Variants in LOXL1 observed in about 807,000 individuals in gnomAD.
The protein encoded by LOXL1 is lysyl oxidase homolog 1.
A neutral mutation model predicts 62.2 loss-of-function variants in LOXL1; 31 were observed. The observed-to-expected ratio is 0.50, with a 90% CI of 0.37 to 0.67. The LOEUF is 0.67. Among genes scored for constraint, LOXL1 ranks in the 30% least tolerant of loss-of-function variants. The pLI, the probability that LOXL1 is intolerant of heterozygous loss-of-function variation, is 0.00. For synonymous variants in LOXL1, 403 were observed against 384.4 expected (o/e 1.05, Z -0.56); for missense variants, 775 against 843.4 (o/e 0.92, Z 1.00).
chr15:73,927,578 GC>G lies in LOXL1; in HGVS notation c.801del (p.Asp268ThrfsTer159). On this transcript the variant is annotated frameshift_variant, in exon 1 of 7. Transcript: ENST00000261921. LOFTEE classifies it high-confidence loss of function. The part of the protein sequence containing the change: ...ERPYVPPPPP[P>X]PDGLDRRYSH... ...GGCCCTACGTGCCGCCGCCGCCGCC[GC>G]CCCCCGACGGCCTGGACCGCCGCTA... is the stretch of plus-strand genomic sequence containing the variant. 6 of 1,500,440 alleles carry G rather than the reference GC, an allele frequency of 4.0e-6. No individual in the cohort carries two copies. Among genetic ancestry groups the G allele is most frequent in the Admixed American group, 2.1e-5 (1 of 46,774 alleles). 92.9% of individuals were successfully genotyped at this position (1,500,440 alleles called of 1,614,324 possible).
chr15:73,932,121 G>A (rs970862398), intron 1 of LOXL1, among the ~76,000 whole-genome samples: 2 of 152,132 alleles, frequency 1.3e-5, no homozygotes, highest in African/African-American at 4.8e-5. Flanking sequence ...TTCAGCCTGC[G>A]GGCAGGGTGG....
chr15:73,943,904 T>C (rs1335815136), intron 2 of LOXL1, among the ~76,000 whole-genome samples: 1 of 152,218 alleles, frequency 6.6e-6, no homozygotes, highest in Non-Finnish European at 1.5e-5. Flanking sequence ...TAGCTGATCA[T>C]AAACCCTTAT....
At chr15:73,928,416 G>A (rs954656301) in intron 1 of LOXL1, among the ~76,000 whole-genome samples, 4 of 152,176 alleles carry the variant, frequency 2.6e-5, no homozygotes, top group African/African-American at 9.7e-5. Context: ...GCTTGAGTGC[G>A]CAGGAGGTTA....
In LOXL1 at chr15:73,927,103, G is replaced by A. The variant is rs1436617261; in HGVS notation, c.320G>A (p.Gly107Asp). ...APSLPLPGRVGSDTVRGQARH... is the reference protein window; with the variant it reads ...APSLPLPGRVDSDTVRGQARH... ...TCCCTGCCCCTGCCGGGGCGCGTGG[G>A]CTCGGACACCGTGCGCGGCCAGGCG... The change falls in exon 1 of 7, where the codon GGC becomes GAC. Residue 107 changes from glycine to aspartate, a missense_variant. By Grantham distance (94) the Gly-to-Asp change is moderately conservative. Transcript: ENST00000261921. 4.5e-6 allele frequency: 6 copies of A among 1,326,518 alleles called. No homozygotes were observed. Among genetic ancestry groups the A allele is most frequent in the East Asian group, 6.2e-5 (2 of 32,152 alleles). 82.2% of individuals were successfully genotyped at this position (1,326,518 alleles called of 1,614,324 possible). A position where few individuals can be genotyped will look rare whatever the true frequency, so the allele number is the denominator to read the frequency against.
At chr15:73,946,275 A>T in intron 2 of LOXL1, 142 bp from the exon 3 acceptor site, 1 of 627,726 alleles carries the variant, frequency 1.6e-6, no homozygotes, top group African/African-American at 1.8e-5. Context: ...GTTCGAGGAG[A>T]CAGAGGAGAA....
intron 1 of LOXL1, among the ~76,000 whole-genome samples, chr15:73,939,794 G>T (rs1405277544): frequency 6.6e-6 from 1 of 152,164 alleles, no homozygotes; most frequent in Non-Finnish European, 1.5e-5. Flanking sequence ...GTGACAGGAG[G>T]AGTCCTGGGA....
At chr15:73,936,742 A>C (rs1293670555) in intron 1 of LOXL1, among the ~76,000 whole-genome samples, 1 of 152,228 alleles carries the variant, frequency 6.6e-6, no homozygotes, top group East Asian at 1.9e-4. Context: ...CAGGGCTCTC[A>C]GCGCCAGGCA....
chr15:73,926,514 T>G lies in LOXL1; in HGVS notation c.-270T>G. 2.8e-6 allele frequency: 1 copy of G among 360,730 alleles called. No homozygotes were observed. Among genetic ancestry groups the G allele is most frequent in the East Asian group, 4.0e-5 (1 of 24,704 alleles). 22.3% of individuals were successfully genotyped at this position (360,730 alleles called of 1,614,324 possible). On this transcript the variant is annotated 5_prime_UTR_variant, in exon 1 of 7. It removes an upstream start codon present in the reference 5' UTR. Coordinates refer to ENST00000261921, the MANE Select transcript of LOXL1 (RefSeq NM_005576.4). Reference sequence around the variant, plus strand: ...CGGCCAGCCAGTGCGGGGCTGGCCATGTAAGGCCCACAGGCGGTCCTGCCC... The same window carrying G: ...CGGCCAGCCAGTGCGGGGCTGGCCAGGTAAGGCCCACAGGCGGTCCTGCCC...
chr15:73,930,614 G>A lies in LOXL1; in HGVS notation c.1102+2729G>A, dbSNP rs1449576985. On this transcript the variant is annotated intron_variant, in intron 1 of 6. Transcript: ENST00000261921. This position sits in a 1 kb window ranked among gnomAD's most constrained non-coding sequence, Gnocchi z 4.7. Reference sequence around the variant, plus strand: ...CACACCCAGGGGTCTGAGGCTGGGCGCTGGCAGCCTGTGAGTGTGTGTGGG... The same window carrying A: ...CACACCCAGGGGTCTGAGGCTGGGCACTGGCAGCCTGTGAGTGTGTGTGGG... Among the ~76,000 whole-genome samples, 5 of 152,266 alleles carry A rather than the reference G, an allele frequency of 3.3e-5. No individual in the cohort carries two copies. In the South Asian group the frequency reaches 6.2e-4, roughly 19 times the overall value.
intron 1 of LOXL1, among the ~76,000 whole-genome samples, chr15:73,937,873 AG>A (rs1384395256): frequency 3.9e-5 from 6 of 152,212 alleles, no homozygotes; most frequent in African/African-American, 1.2e-4. Flanking sequence ...AAGACTGAGC[AG>A]GGCTGTAGGT....
chr15:73,951,961 C>A lies in LOXL1; in HGVS notation c.*124C>A. 1.3e-6 allele frequency: 1 copy of A among 794,610 alleles called. No homozygotes were observed. Among genetic ancestry groups the A allele is most frequent in the South Asian group, 3.7e-5 (1 of 27,178 alleles). 49.2% of individuals were successfully genotyped at this position (794,610 alleles called of 1,614,324 possible). A position where few individuals can be genotyped will look rare whatever the true frequency, so the allele number is the denominator to read the frequency against. On this transcript the variant is annotated 3_prime_UTR_variant, in exon 7 of 7. Coordinates refer to ENST00000261921, the MANE Select transcript of LOXL1 (RefSeq NM_005576.4). Reference sequence around the variant, plus strand: ...ACGGAGGGGCATCCCTCCCTGCCGGCCTCAGGGAGCGAACGTGGATGAAAA... The same window carrying A: ...ACGGAGGGGCATCCCTCCCTGCCGGACTCAGGGAGCGAACGTGGATGAAAA...
Position 73,927,800 on chromosome 15 carries a change from GC to G in LOXL1, c.1022del (p.Pro341ArgfsTer86). 1 of 1,375,820 alleles carries G rather than the reference GC, an allele frequency of 7.3e-7. No homozygotes were observed. The highest frequency in any genetic ancestry group is 1.7e-5 in the South Asian group (1 of 58,588). 85.2% of individuals were successfully genotyped at this position (1,375,820 alleles called of 1,614,324 possible). A position where few individuals can be genotyped will look rare whatever the true frequency, so the allele number is the denominator to read the frequency against. On this transcript the variant is annotated frameshift_variant, in exon 1 of 7. Transcript: ENST00000261921. LOFTEE classifies it high-confidence loss of function. ...ACCTGCCGGTGCGCAGCTCCGACAC[GC>G]CCCCGCCGGGTGGGGAGCGGAACGG... ...PYLPVRSSDT[P>X]PPGGERNGAQ...
Position 73,926,873 on chromosome 15 carries a change from CG to C in LOXL1, c.93del (p.Gln32ArgfsTer11). The C allele has an allele frequency of 6.4e-7, 1 of 1,554,760 alleles. No individual in the cohort carries two copies. The highest frequency in any genetic ancestry group is 1.2e-5 in the South Asian group (1 of 84,410). On this transcript the variant is annotated frameshift_variant, in exon 1 of 7. Transcript: ENST00000261921. LOFTEE classifies it high-confidence loss of function. ...TGGTGCACGGGCAGCAGGCGCAGCC[CG>C]GGCAGGGCTCGGACCCCGCCCGCTG... ...VLVHGQQAQP[G>X]QGSDPARWRQ...
Position 73,947,619 on chromosome 15 carries a change from A to ATC in LOXL1, c.1507-186_1507-185dup, listed in dbSNP as rs113226866. The ATC allele has an allele frequency of 2.6e-3, 1,360 of 527,270 alleles. 14 individuals are homozygous for ATC. The highest frequency in any genetic ancestry group is 0.023 in the African/African-American group (1,203 of 52,192). The allele number at this position is 527,270 out of a possible 1,614,324, so 32.7% of individuals were successfully genotyped here. Reference sequence around the variant, plus strand: ...CGTCCCTCCCACCTGGCTATTAGATATCTGTCTTTCCTCTGGTCCATCTAG... The same window carrying ATC: ...CGTCCCTCCCACCTGGCTATTAGATATCTCTGTCTTTCCTCTGGTCCATCTAG... On this transcript the variant is annotated intron_variant, in intron 4 of 6. Transcript: ENST00000261921.
intron 5 of LOXL1, 119 bp downstream of exon 5, chr15:73,948,021 G>T: frequency 1.5e-6 from 1 of 670,908 alleles, no homozygotes; most frequent in Non-Finnish European, 2.5e-6. Flanking sequence ...GCCGAGCAGA[G>T]GCAGCATCTG....
Position 73,927,153 on chromosome 15 carries a change from G to A in LOXL1, c.370G>A (p.Val124Met). 2 of 1,515,988 alleles carry A rather than the reference G, an allele frequency of 1.3e-6. No individual in the cohort carries two copies. The highest frequency in any genetic ancestry group is 1.4e-5 in the African/African-American group (1 of 69,834). 93.9% of individuals were successfully genotyped at this position (1,515,988 alleles called of 1,614,324 possible). The change falls in exon 1 of 7, where the codon GTG (valine) becomes ATG (methionine). Residue 124 changes from valine (V) to methionine (M), a missense_variant. Physicochemically the swap from Val to Met is conservative, Grantham distance 21 (BLOSUM62 1). Coordinates refer to ENST00000261921, the MANE Select transcript of LOXL1 (RefSeq NM_005576.4). ...QARHPFGFGQ[V>M]PDNWREVAVG... is the part of the protein sequence containing the mutation. ...GCGGCACCCATTCGGCTTTGGCCAGGTGCCCGACAACTGGCGCGAGGTGGC... is the reference window on the plus strand; with the variant it reads ...GCGGCACCCATTCGGCTTTGGCCAGATGCCCGACAACTGGCGCGAGGTGGC...
chr15:73,947,256 G>C, intron 4 of LOXL1, 33 bp downstream of exon 4: 1 of 1,568,168 alleles, frequency 6.4e-7, no homozygotes, highest in South Asian at 1.2e-5. Context: ...TGGGGCATGG[G>C]AGGATAAGGA....
At chr15:73,946,700 T>A in intron 3 of LOXL1, 146 bp downstream of exon 3, 1 of 950,422 alleles carries the variant, frequency 1.1e-6, no homozygotes, top group Non-Finnish European at 1.5e-6. Flanking sequence ...CTGCCAACTC[T>A]TTTCACTGGG....
At chr15:73,948,824 A>C (rs758490021) in intron 5 of LOXL1, among the ~76,000 whole-genome samples, 6 of 152,188 alleles carry the variant, frequency 3.9e-5, no homozygotes, top group Non-Finnish European at 5.9e-5. Flanking sequence ...CCACATAAGC[A>C]ATGCAGTTCA....
Sources: gnomAD v4.1 joint callset for allele counts (sites outside exome capture counted in the v4.1 genomes callset) on GRCh38, gnomAD v4.1.1 for gene constraint, Gnocchi (gnomAD v3.1) non-coding constraint, MANE v1.5 for transcripts, NCBI Gene and HGNC (gene_info 2026-07-23, HGNC 2026-07-21) for gene names.